AKAP7: variants seen among roughly 807,000 people sequenced by gnomAD.
The protein encoded by AKAP7 is A-kinase anchoring protein 7, also known as A kinase (PRKA) anchor protein 7.
In AKAP7, 39 loss-of-function variants were observed where a neutral mutation model predicts 39.5. The observed-to-expected ratio is 0.99, with a 90% CI of 0.76 to 1.29. AKAP7 has a LOEUF of 1.29. AKAP7 is among the 50% of genes most tolerant of loss of function. The pLI, the probability that AKAP7 is intolerant of heterozygous loss-of-function variation, is 0.00. For synonymous variants in AKAP7, 140 were observed against 139.1 expected (o/e 1.01, Z -0.05); for missense variants, 414 against 407.7 (o/e 1.02, Z -0.13).
At chr6:131,241,544 TGAG>T (rs1430069619) in intron 7 of AKAP7, among the ~76,000 whole-genome samples, 1 of 149,070 alleles carries the variant, frequency 6.7e-6, no homozygotes, top group African/African-American at 2.5e-5. Context: ...AGGGGCTTGT[TGAG>T]GAGAGAGGTC....
At chr6:131,177,622 A>G (rs958224229) in intron 5 of AKAP7, among the ~76,000 whole-genome samples, 5 of 152,216 alleles carry the variant, frequency 3.3e-5, no homozygotes, top group African/African-American at 1.2e-4. Flanking sequence ...AAATTTCAAC[A>G]TGAGTTTTGG....
chr6:131,239,061 A>G (rs1284785044), intron 7 of AKAP7, among the ~76,000 whole-genome samples: 1 of 152,000 alleles, frequency 6.6e-6, no homozygotes, highest in Non-Finnish European at 1.5e-5. Context: ...GTTCCTTTCC[A>G]TGTTTAGTGC....
chr6:131,266,790 A>C (rs1293707054), intron 7 of AKAP7, among the ~76,000 whole-genome samples: 1 of 151,788 alleles, frequency 6.6e-6, no homozygotes, highest in Non-Finnish European at 1.5e-5. Flanking sequence ...CTTTCTCTTG[A>C]TTTTGTTGTA....
At chr6:131,142,998 C>G (rs549090519) in intron 1 of AKAP7, among the ~76,000 whole-genome samples, 75 of 152,310 alleles carry the variant, frequency 4.9e-4, no homozygotes, top group South Asian at 1.0e-3. Context: ...TTGGATTTCT[C>G]TCTTTTGGAA....
intron 7 of AKAP7, among the ~76,000 whole-genome samples, chr6:131,264,065 C>T (rs1398066292): frequency 6.6e-6 from 1 of 152,052 alleles, no homozygotes; most frequent in South Asian, 2.1e-4. Context: ...ATCTTTTGCT[C>T]TATTTTTTAT....
At position 131,210,330 on chromosome 6, in the gene AKAP7, G is replaced by A. The variant is rs147886753; in HGVS notation, c.703-9331G>A. Reference sequence around the variant, plus strand: ...CTCTAGTAAATTAAAAGACAAAAAGGTTGTTGGCCTCTTTGCCAGGGCCAA... The same window carrying A: ...CTCTAGTAAATTAAAAGACAAAAAGATTGTTGGCCTCTTTGCCAGGGCCAA... On this transcript the variant is annotated intron_variant, in intron 6 of 7. Coordinates refer to ENST00000431975, the MANE Select transcript of AKAP7 (RefSeq NM_016377.4). Among the ~76,000 whole-genome samples, 245 of 152,288 alleles carry A rather than the reference G, an allele frequency of 1.6e-3. 3 individuals are homozygous for A. In the East Asian group the frequency reaches 0.038, roughly 23 times the overall value.
chr6:131,241,083 G>A (rs1268232861), intron 7 of AKAP7, among the ~76,000 whole-genome samples: 1 of 152,162 alleles, frequency 6.6e-6, no homozygotes, highest in African/African-American at 2.4e-5. Context: ...TTATTTTGTA[G>A]GGAATGGGAG....
intron 5 of AKAP7, among the ~76,000 whole-genome samples, chr6:131,171,346 A>G (rs1396116640): frequency 6.6e-6 from 1 of 152,142 alleles, no homozygotes; most frequent in African/African-American, 2.4e-5. Flanking sequence ...CATAGGAGAA[A>G]TAGCGTTTGA....
chr6:131,250,086 TA>T, intron 7 of AKAP7: 1 of 818,972 alleles, frequency 1.2e-6, no homozygotes, highest in Non-Finnish European at 1.5e-6. Context: ...CTCCTAGGGA[TA>T]AAAGAAGGCT....
At chr6:131,194,242 A>G (rs866508210) in intron 5 of AKAP7, among the ~76,000 whole-genome samples, 3 of 151,834 alleles carry the variant, frequency 2.0e-5, no homozygotes, top group Non-Finnish European at 2.9e-5. Flanking sequence ...TTGTAGCTCT[A>G]TCATCATTTG....
intron 7 of AKAP7, among the ~76,000 whole-genome samples, chr6:131,239,883 G>A (rs572336919): frequency 1.2e-3 from 189 of 151,964 alleles, no homozygotes; most frequent in African/African-American, 3.2e-3. Context: ...TAGTTTGATC[G>A]TCTGAAGCCT....
chr6:131,185,262 TG>T, intron 5 of AKAP7: 2 of 469,882 alleles, frequency 4.3e-6, no homozygotes, highest in Admixed American at 3.0e-5. Context: ...CCGCCAGTGC[TG>T]GGCAGGGTAC....
At position 131,232,777 on chromosome 6, in the gene AKAP7, G is replaced by A. The variant is rs373496482; in HGVS notation, c.850+12969G>A. Among the ~76,000 whole-genome samples the A allele has an allele frequency of 2.8e-4, 42 of 152,070 alleles. No homozygotes were observed. The South Asian group carries it at 5.2e-3, about 19-fold the overall frequency. ...ACCGCACTCTAGTTTGAGGGACAAA[G>A]CAAGACTGTCTCAAAAAAAGAAAAA... On this transcript the variant is annotated intron_variant, in intron 7 of 7. Coordinates refer to ENST00000431975, the MANE Select transcript of AKAP7 (RefSeq NM_016377.4).
intron 5 of AKAP7, among the ~76,000 whole-genome samples, chr6:131,194,026 G>A (rs1226712733): frequency 6.6e-6 from 1 of 151,476 alleles, no homozygotes; most frequent in Non-Finnish European, 1.5e-5. Flanking sequence ...TTTGTATTTT[G>A]TTTCAGTTTC....
At chr6:131,235,357 G>T (rs929387684) in intron 7 of AKAP7, among the ~76,000 whole-genome samples, 2 of 152,142 alleles carry the variant, frequency 1.3e-5, no homozygotes, top group Non-Finnish European at 2.9e-5. Flanking sequence ...GAATAGTGCC[G>T]CAATAAACAT....
chr6:131,253,929 G>A (rs13205441), intron 7 of AKAP7, among the ~76,000 whole-genome samples: 41,149 of 152,028 alleles, frequency 0.27, 6,280 homozygotes, highest in Middle Eastern at 0.38. Context: ...TAATGCTGCA[G>A]TAAACATCGG....
intron 6 of AKAP7, among the ~76,000 whole-genome samples, chr6:131,213,133 T>A (rs1376802485): frequency 6.6e-6 from 1 of 152,224 alleles, no homozygotes; most frequent in East Asian, 1.9e-4. Context: ...TCTACCATGA[T>A]ATAAATATGT....
chr6:131,252,965 GC>G, intron 7 of AKAP7: 1 of 1,510,214 alleles, frequency 6.6e-7, no homozygotes, highest in African/African-American at 1.4e-5. Context: ...CTTGAAGGTA[GC>G]CCAAATTATG....
chr6:131,156,458 T>G (rs1802425644), intron 2 of AKAP7, among the ~76,000 whole-genome samples: 1 of 151,926 alleles, frequency 6.6e-6, no homozygotes, highest in Non-Finnish European at 1.5e-5. Context: ...GGCAACATAG[T>G]GAGACCCCCA....
Sources: allele counts gnomAD v4.1 joint callset (sites outside exome capture counted in the v4.1 genomes callset), GRCh38; gene constraint gnomAD v4.1.1; transcripts MANE v1.5; gene names NCBI Gene and HGNC (gene_info 2026-07-23, HGNC 2026-07-21).